Variants in CCDC73 observed in about 807,000 individuals in gnomAD.
CCDC73 encodes the protein coiled-coil domain containing 73.
A neutral mutation model predicts 116.5 loss-of-function variants in CCDC73; 95 were observed. That is an observed-to-expected ratio of 0.82 (90% confidence interval 0.69 to 0.97). The LOEUF (loss-of-function observed/expected upper bound fraction) is 0.97, where lower values mean the gene tolerates loss of function less well. CCDC73 is among the 50% of genes least tolerant of loss of function. The pLI is 0.00. For missense variants in CCDC73, 1,066 were observed against 1,206.8 expected (o/e 0.88, Z 1.73); for synonymous variants, 398 against 401.3 (o/e 0.99, Z 0.10).
intron 12 of CCDC73, among the ~76,000 whole-genome samples, chr11:32,650,023 T>G (rs1180444187): frequency 6.6e-6 from 1 of 152,204 alleles, no homozygotes; most frequent in Non-Finnish European, 1.5e-5. Context: ...AGCATTTGAT[T>G]ATCTAATGAT....
the CCDC73 span, among the ~76,000 whole-genome samples, chr11:32,812,848 AAG>A: frequency 9.9e-5 from 15 of 152,242 alleles, no homozygotes; most frequent in African/African-American, 3.6e-4. Flanking sequence ...AAACAAGAAA[AAG>A]AAAAAAAATA....
At chr11:32,822,068 GGA>G in the CCDC73 span, among the ~76,000 whole-genome samples, 3 of 152,102 alleles carry the variant, frequency 2.0e-5, no homozygotes, top group African/African-American at 7.2e-5. Flanking sequence ...TGAAGGGAGG[GGA>G]ATACCAGAGG....
At position 32,679,259 on chromosome 11, in the gene CCDC73, C is replaced by T. The variant is rs189966792; in HGVS notation, c.430-3238G>A. ...TTTCTTCTAAAATACCCCTTAATTT[C>T]TGATTGAGAGAATTATATTAGCTCT... On this transcript the variant is annotated intron_variant, in intron 7 of 17. Coordinates refer to ENST00000335185, the MANE Select transcript of CCDC73 (RefSeq NM_001008391.4). Among the ~76,000 whole-genome samples, 25 of 152,298 alleles carry T rather than the reference C, an allele frequency of 1.6e-4. No individual in the cohort carries two copies. The East Asian group carries it at 3.5e-3, about 21-fold the overall frequency.
chr11:32,673,924 C>T (rs147863201), intron 9 of CCDC73, among the ~76,000 whole-genome samples: 46 of 152,228 alleles, frequency 3.0e-4, no homozygotes, highest in African/African-American at 8.2e-4. Flanking sequence ...ATGTAGATTA[C>T]GCCAATTTGA....
chr11:32,683,757 A>G (rs1856169432), intron 6 of CCDC73, among the ~76,000 whole-genome samples, 183 bp from the exon 7 acceptor site: 8 of 152,236 alleles, frequency 5.3e-5, no homozygotes, highest in Admixed American at 4.6e-4. Context: ...CCTGGAATAT[A>G]GCAGTGAACA....
chr11:32,675,813 A>G (rs1856082177), intron 8 of CCDC73, 73 bp downstream of exon 8: 1 of 1,310,300 alleles, frequency 7.6e-7, no homozygotes, highest in Non-Finnish European at 1.1e-6. Flanking sequence ...TAGATATTCA[A>G]TGTATTCATA....
intron 1 of CCDC73, among the ~76,000 whole-genome samples, chr11:32,774,366 A>C (rs1850514494): frequency 6.6e-6 from 1 of 152,168 alleles, no homozygotes; most frequent in Non-Finnish European, 1.5e-5. Flanking sequence ...ATTCTGTTAA[A>C]TCATTGTCTA....
intron 5 of CCDC73, among the ~76,000 whole-genome samples, chr11:32,699,874 TAA>T (rs200475969): frequency 4.7e-4 from 12 of 25,760 alleles, no homozygotes; most frequent in African/African-American, 1.3e-3. Flanking sequence ...GAACTTAGAT[TAA>T]AAAATATATA....
At chr11:32,737,751 T>A (rs12576584) in intron 2 of CCDC73, among the ~76,000 whole-genome samples, 23,010 of 152,158 alleles carry the variant, frequency 0.15, 2,164 homozygotes, top group East Asian at 0.39. Flanking sequence ...TAGACTATAG[T>A]CACCTTATTG....
the CCDC73 span, among the ~76,000 whole-genome samples, chr11:32,808,152 T>A: frequency 2.0e-5 from 3 of 149,676 alleles, no homozygotes; most frequent in East Asian, 5.8e-4. Context: ...TTAACCAAAT[T>A]AAAGAAAGGA....
chr11:32,688,581 C>T (rs909161910), intron 6 of CCDC73, among the ~76,000 whole-genome samples: 2 of 152,078 alleles, frequency 1.3e-5, no homozygotes, highest in African/African-American at 4.8e-5. Context: ...ATTTTGATTG[C>T]TGTGTTATGG....
chr11:32,641,316 T>C (rs1342764884), intron 13 of CCDC73, among the ~76,000 whole-genome samples: 2 of 152,106 alleles, frequency 1.3e-5, no homozygotes, highest in East Asian at 3.8e-4. Flanking sequence ...GAATAATCAA[T>C]CTTGGGGTCC....
chr11:32,611,373 T>A, intron 16 of CCDC73, 108 bp from the exon 17 acceptor site: 1 of 946,150 alleles, frequency 1.1e-6, no homozygotes, highest in African/African-American at 1.7e-5. Flanking sequence ...AAGCAACAAA[T>A]TTCTATTTTA....
At chr11:32,707,356 T>C (rs765990526) in intron 3 of CCDC73, among the ~76,000 whole-genome samples, 12 of 152,058 alleles carry the variant, frequency 7.9e-5, no homozygotes, top group Non-Finnish European at 1.8e-4. Flanking sequence ...CCAAGTACTA[T>C]GTTATCTTCA....
chr11:32,683,977 T>C (rs1205126430), intron 6 of CCDC73, among the ~76,000 whole-genome samples: 7 of 152,212 alleles, frequency 4.6e-5, no homozygotes, highest in African/African-American at 1.4e-4. Context: ...ATAACAACTG[T>C]TTTAAACAAA....
intron 2 of CCDC73, among the ~76,000 whole-genome samples, chr11:32,738,971 C>T (rs1348832440): frequency 6.6e-6 from 1 of 151,928 alleles, no homozygotes; most frequent in Non-Finnish European, 1.5e-5. Context: ...AATGTATGTT[C>T]TTGGCACCTT....
chr11:32,750,166 G>A (rs953778861), intron 2 of CCDC73, among the ~76,000 whole-genome samples: 2 of 152,142 alleles, frequency 1.3e-5, no homozygotes, highest in Non-Finnish European at 2.9e-5. Flanking sequence ...CAACGCTCCT[G>A]GCCTCTACTC....
chr11:32,808,281 A>G, the CCDC73 span, among the ~76,000 whole-genome samples: 1 of 152,240 alleles, frequency 6.6e-6, no homozygotes, highest in Non-Finnish European at 1.5e-5. Context: ...TATAAGAAAA[A>G]AAGTCTTTCT....
intron 2 of CCDC73, among the ~76,000 whole-genome samples, chr11:32,726,027 A>G (rs1343157295): frequency 3.3e-5 from 5 of 152,204 alleles, no homozygotes; most frequent in Non-Finnish European, 7.3e-5. Flanking sequence ...GCTTCCAGGC[A>G]GCTCAATCTC....
Sources: gnomAD v4.1 joint callset for allele counts (sites outside exome capture counted in the v4.1 genomes callset) on GRCh38, gnomAD v4.1.1 for gene constraint, MANE v1.5 for transcripts, NCBI Gene and HGNC (gene_info 2026-07-23, HGNC 2026-07-21) for gene names.